The following KRT76 variants were observed in gnomAD, a reference collection of about 807,000 sequenced individuals.
The protein encoded by KRT76 is keratin 76, also known as keratin, type II cytoskeletal 2 oral.
KRT76 carries 47 observed loss-of-function variants against 44.9 expected under a neutral mutation model. The ratio of observed to expected loss-of-function variants is 1.05; its 90% confidence interval spans 0.83 to 1.33. KRT76 has a LOEUF of 1.33. KRT76 is among the 40% of genes most tolerant of loss of function. The probability of loss-of-function intolerance (pLI) is 0.00; values close to 1 mark genes in which losing one functional copy is unlikely to be tolerated. For synonymous variants in KRT76, 331 were observed against 294.1 expected (o/e 1.13, Z -1.28); for missense variants, 860 against 775.8 (o/e 1.11, Z -1.29).
Position 52,772,234 on chromosome 12 carries a change from C to T in KRT76, c.997G>A (p.Ala333Thr). ...GACAGAACCACAGACGTGTCACTGG[C>T]ATGGCTTTGCATCTGGGACAGCTCC... is the stretch of plus-strand genomic sequence containing the variant. ...EMELSQMQSH[A>T]SDTSVVLSMD... The change falls in exon 5 of 9, where the codon GCC becomes ACC. Residue 333 changes from alanine (A) to threonine (T), a missense_variant. By Grantham distance (58) the Ala-to-Thr change is moderately conservative. Coordinates refer to ENST00000332411, the MANE Select transcript of KRT76 (RefSeq NM_015848.4). The T allele has an allele frequency of 1.2e-6, 2 of 1,604,944 alleles. No individual in the cohort carries two copies. Among genetic ancestry groups the T allele is most frequent in the Non-Finnish European group, 1.7e-6 (2 of 1,175,408 alleles).
Position 52,773,657 on chromosome 12 carries a change from G to A in KRT76, c.816-15C>T. 6.2e-7 allele frequency: 1 copy of A among 1,610,188 alleles called. No homozygotes were observed. The highest frequency in any genetic ancestry group is 8.5e-7 in the Non-Finnish European group (1 of 1,176,756). ...CATCTTCATACCTGGAACAAGAAGAGGCACACATTTGAACACTGGCATTTC... is the reference window on the plus strand; with the variant it reads ...CATCTTCATACCTGGAACAAGAAGAAGCACACATTTGAACACTGGCATTTC... On this transcript the variant is annotated splice_polypyrimidine_tract_variant and intron_variant, in intron 2 of 8. Transcript: ENST00000332411.
rs201933301 is a variant in KRT76 at position 52,771,899 on chromosome 12, C to T, written c.1235G>A (p.Arg412Gln). Residue 412 changes from arginine to glutamine, a missense_variant, in exon 6 of 9, where the codon CGG (arginine) becomes CAG (glutamine). Arg to Gln is a conservative substitution (Grantham distance 43). Coordinates refer to ENST00000332411, the MANE Select transcript of KRT76 (RefSeq NM_015848.4). ...MELNRMIQRLRAEIENVKKQN... is the reference protein window; with the variant it reads ...MELNRMIQRLQAEIENVKKQN... ...CTTCTTGACATTTTCAATCTCAGCC[C>T]GTAGCCTCTGGATCATCCTGTTGAG... The T allele has an allele frequency of 2.7e-5, 43 of 1,614,036 alleles. No individual in the cohort carries two copies. The Admixed American group carries it at 5.0e-4, about 19-fold the overall frequency.
At chr12:52,771,332 C>T in intron 6 of KRT76, 113 bp from the exon 7 acceptor site, 2 of 1,015,934 alleles carry the variant, frequency 2.0e-6, no homozygotes, top group Non-Finnish European at 1.5e-6. Context: ...CTTAGAAATC[C>T]CAATGGAGCA....
chr12:52,772,484 A>G (rs1939201951), intron 4 of KRT76, among the ~76,000 whole-genome samples: 1 of 152,254 alleles, frequency 6.6e-6, no homozygotes. Flanking sequence ...AGTATCAGCC[A>G]ATGAGTCTTA....
At position 52,768,572 on chromosome 12, in the gene KRT76, CAGG is replaced by C. The variant is rs1939125950; in HGVS notation, c.*138_*140del. 4.2e-6 allele frequency: 4 copies of C among 961,974 alleles called. No homozygotes were observed. Among genetic ancestry groups the C allele is most frequent in the Non-Finnish European group, 6.2e-6 (4 of 644,508 alleles). The allele number at this position is 961,974 out of a possible 1,614,324, so 59.6% of individuals were successfully genotyped here. A position where few individuals can be genotyped will look rare whatever the true frequency, so the allele number is the denominator to read the frequency against. ...GGGAAGGTCATGGGGATGGAGAAAC[CAGG>C]AGTTCAGCTTCTTCTCCAGGGAACT... On this transcript the variant is annotated 3_prime_UTR_variant, in exon 9 of 9. Coordinates refer to ENST00000332411, the MANE Select transcript of KRT76 (RefSeq NM_015848.4).
chr12:52,772,536 T>C (rs1939202631), intron 4 of KRT76, among the ~76,000 whole-genome samples: 1 of 152,206 alleles, frequency 6.6e-6, no homozygotes, highest in Non-Finnish European at 1.5e-5. Flanking sequence ...AGGAGTATTA[T>C]GAAGAAGCCA....
chr12:52,772,255 G>A lies in KRT76; in HGVS notation c.976C>T (p.Leu326=), dbSNP rs759917341. 4.4e-6 allele frequency: 7 copies of A among 1,594,662 alleles called. No homozygotes were observed. In the African/African-American group the frequency reaches 8.1e-5, roughly 18 times the overall value. Residue 326 remains leucine, a synonymous_variant, in exon 5 of 9, where the codon CTG becomes TTG. Coordinates refer to ENST00000332411, the MANE Select transcript of KRT76 (RefSeq NM_015848.4). ...CTGGCATGGCTTTGCATCTGGGACA[G>A]CTCCTGCAGGAAACATGGATAGTTA... ...SFLRTLYEME[L]SQMQSHASDT... is the part of the protein sequence containing the mutation.
In KRT76 at chr12:52,768,961, T is replaced by G. The variant is rs758091718; in HGVS notation, c.1669A>C (p.Ser557Arg). 3.1e-5 allele frequency: 40 copies of G among 1,292,340 alleles called. No homozygotes were observed. In the South Asian group the frequency reaches 4.8e-4, roughly 16 times the overall value. 80.1% of individuals were successfully genotyped at this position (1,292,340 alleles called of 1,614,324 possible). The stretch of plus-strand genomic sequence containing the variant: ...CCACTGCTGACCCCTCCATAGCCAC[T>G]GCCGCTGCCGCCACTGACTCCATAG... ...SGYGVSGGSG[S>R]GYGGVSSGST... Residue 557 changes from serine to arginine, a missense_variant, in exon 9 of 9, where the codon AGT becomes CGT. Coordinates refer to ENST00000332411, the MANE Select transcript of KRT76 (RefSeq NM_015848.4).
chr12:52,771,913 C>A lies in KRT76; in HGVS notation c.1221G>T (p.Met407Ile). The part of the protein sequence containing the change: ...TKSEIMELNR[M>I]IQRLRAEIEN... Reference sequence around the variant, plus strand: ...CAATCTCAGCCCGTAGCCTCTGGATCATCCTGTTGAGCTCCATGATCTCAC... The same window carrying A: ...CAATCTCAGCCCGTAGCCTCTGGATAATCCTGTTGAGCTCCATGATCTCAC... The change falls in exon 6 of 9, where the codon ATG (methionine) becomes ATT (isoleucine). Residue 407 changes from methionine to isoleucine, a missense_variant. Physicochemically the swap from Met to Ile is conservative, Grantham distance 10. Coordinates refer to ENST00000332411, the MANE Select transcript of KRT76 (RefSeq NM_015848.4). 3 of 1,614,170 alleles carry A rather than the reference C, an allele frequency of 1.9e-6. No homozygotes were observed. Among genetic ancestry groups the A allele is most frequent in the Non-Finnish European group, 2.5e-6 (3 of 1,180,024 alleles).
At position 52,770,828 on chromosome 12, in the gene KRT76, A is replaced by G. The variant is rs531187002; in HGVS notation, c.1484+171T>C. 5.3e-5 allele frequency among the ~76,000 whole-genome samples: 8 copies of G among 152,344 alleles called. No homozygotes were observed. The South Asian group carries it at 1.7e-3, about 32-fold the overall frequency. On this transcript the variant is annotated intron_variant, in intron 7 of 8. Coordinates refer to ENST00000332411, the MANE Select transcript of KRT76 (RefSeq NM_015848.4). ...TGTCCATTAAACATTTGAGAGTTGGATGATCTTGATGGACATAAAATAGTG... is the reference window on the plus strand; with the variant it reads ...TGTCCATTAAACATTTGAGAGTTGGGTGATCTTGATGGACATAAAATAGTG...
Position 52,776,683 on chromosome 12 carries a change from T to G in KRT76, c.600+9A>C. ...AACCCTCCACAGCACCTCTTGGCCT[T>G]GCCCTCACCTTGTCGATGAAGGAGG... On this transcript the variant is annotated intron_variant, in intron 1 of 8. Transcript: ENST00000332411. 6.2e-7 allele frequency: 1 copy of G among 1,613,966 alleles called. No homozygotes were observed. The highest frequency in any genetic ancestry group is 8.5e-7 in the Non-Finnish European group (1 of 1,180,038).
intron 6 of KRT76, 28 bp from the exon 7 acceptor site, chr12:52,771,247 G>A: frequency 1.2e-6 from 2 of 1,606,528 alleles, no homozygotes; most frequent in East Asian, 4.5e-5. Flanking sequence ...TTAGCATAGT[G>A]ACCCGGAAAC....
intron 4 of KRT76, 47 bp downstream of exon 4, chr12:52,772,736 G>T: frequency 7.4e-7 from 1 of 1,351,302 alleles, no homozygotes; most frequent in South Asian, 1.2e-5. Flanking sequence ...TTATGCTTGG[G>T]AAGAATCAGA....
rs763954517 is a variant in KRT76, at chr12:52,771,185, T to C, written c.1298A>G (p.Glu433Gly). ...CTTGAGGGCCATCTCTCCACGCTGC[T>C]CAGCCTCTGCAATTGCCGTCTGCAG... ...ANLQTAIAEA[E>G]QRGEMALKDA... Residue 433 changes from glutamate to glycine, a missense_variant, in exon 7 of 9, where the codon GAG becomes GGG. Glu to Gly is a moderately conservative substitution (Grantham distance 98, BLOSUM62 -2). Coordinates refer to ENST00000332411, the MANE Select transcript of KRT76 (RefSeq NM_015848.4). 4 of 1,614,182 alleles carry C rather than the reference T, an allele frequency of 2.5e-6. No individual in the cohort carries two copies. The highest frequency in any genetic ancestry group is 3.3e-5 in the Admixed American group (2 of 60,026).
At chr12:52,769,517 C>T (rs1411315687) in intron 8 of KRT76, 32 bp downstream of exon 8, 4 of 1,602,712 alleles carry the variant, frequency 2.5e-6, no homozygotes, top group Non-Finnish European at 3.4e-6. Context: ...TTTTACAACC[C>T]AGGGAGAGGG....
In KRT76 at chr12:52,768,988, CACTGCT is replaced by C. The variant is rs576463918; in HGVS notation, c.1636_1641del (p.Ser546_Ser547del). On this transcript the variant is annotated inframe_deletion, in exon 9 of 9. Transcript: ENST00000332411. ...CCGCTGCCGCCACTGACTCCATAGC[CACTGCT>C]GCTGCTGCTGCTGCTGCCGCCTTTG... 715 of 901,614 alleles carry C rather than the reference CACTGCT, an allele frequency of 7.9e-4. 5 individuals are homozygous for C. The African/African-American group carries it at 0.01, about 13-fold the overall frequency. 55.9% of individuals were successfully genotyped at this position (901,614 alleles called of 1,614,324 possible). A position where few individuals can be genotyped will look rare whatever the true frequency, so the allele number is the denominator to read the frequency against.
At chr12:52,769,242 C>T in intron 8 of KRT76, 132 bp from the exon 9 acceptor site, 2 of 610,814 alleles carry the variant, frequency 3.3e-6, no homozygotes, top group Non-Finnish European at 3.0e-6. Context: ...CCTCAGTTTG[C>T]AAACCATGAG....
At chr12:52,773,542 C>T (rs1939216777) in intron 3 of KRT76, 40 bp downstream of exon 3, 17 of 1,557,846 alleles carry the variant, frequency 1.1e-5, no homozygotes, top group South Asian at 2.3e-5. Flanking sequence ...GGGCAGCTCC[C>T]AGAAAGGAAA....
At position 52,775,330 on chromosome 12, in the gene KRT76, G is replaced by A. The variant is rs878910904; in HGVS notation, c.815+58C>T. Reference sequence around the variant, plus strand: ...TGGGAACAGTTGAAATCCCAAATTAGGACCACACCTCCCTGCTAATTCCCC... The same window carrying A: ...TGGGAACAGTTGAAATCCCAAATTAAGACCACACCTCCCTGCTAATTCCCC... On this transcript the variant is annotated intron_variant, in intron 2 of 8. Coordinates refer to ENST00000332411, the MANE Select transcript of KRT76 (RefSeq NM_015848.4). 3.3e-6 allele frequency: 5 copies of A among 1,502,872 alleles called. No individual in the cohort carries two copies. In the South Asian group the frequency reaches 4.5e-5, roughly 14 times the overall value. 93.1% of individuals were successfully genotyped at this position (1,502,872 alleles called of 1,614,324 possible). A position where few individuals can be genotyped will look rare whatever the true frequency, so the allele number is the denominator to read the frequency against.
Sources: gnomAD v4.1 joint callset for allele counts (sites outside exome capture counted in the v4.1 genomes callset) on GRCh38, gnomAD v4.1.1 for gene constraint, MANE v1.5 for transcripts, NCBI Gene and HGNC (gene_info 2026-07-23, HGNC 2026-07-21) for gene names.